The following NT5DC3 variants were observed in gnomAD, a reference collection of about 807,000 sequenced individuals.
NT5DC3 encodes the protein 5'-nucleotidase domain containing 3.
A neutral mutation model predicts 67.8 loss-of-function variants in NT5DC3; 42 were observed. The ratio of observed to expected loss-of-function variants is 0.62; its 90% CI spans 0.48 to 0.80. The LOEUF (loss-of-function observed/expected upper bound fraction) is 0.80, where lower values mean the gene tolerates loss of function less well. NT5DC3 is among the 30% of genes least tolerant of loss of function. The pLI is 0.00. For missense variants in NT5DC3, 570 were observed against 696.4 expected (o/e 0.82, Z 2.04); for synonymous variants, 237 against 255.6 (o/e 0.93, Z 0.69).
chr12:103,796,795 T>A, intron 6 of NT5DC3, 99 bp downstream of exon 6: 1 of 1,285,636 alleles, frequency 7.8e-7, no homozygotes, highest in East Asian at 2.3e-5. Flanking sequence ...AAGAGACTAT[T>A]TAAAACACCT....
intron 3 of NT5DC3, 22 bp from the exon 4 acceptor site, chr12:103,806,399 C>A: frequency 3.3e-6 from 5 of 1,529,944 alleles, no homozygotes; most frequent in Admixed American, 1.7e-5. Flanking sequence ...TAAACATATG[C>A]ACATGTAAAT....
At chr12:103,769,548 T>C (rs1885135815), downstream of NT5DC3, among the ~76,000 whole-genome samples, 1 of 152,188 alleles carries the variant, frequency 6.6e-6, no homozygotes, top group South Asian at 2.1e-4. Flanking sequence ...AAATGGAGCT[T>C]GGAGGAGTGC....
chr12:103,828,433 T>A (rs59651914), intron 1 of NT5DC3, among the ~76,000 whole-genome samples: 15,589 of 152,274 alleles, frequency 0.1, 1,143 homozygotes, highest in East Asian at 0.31. Context: ...TGTGGCATGT[T>A]TCTCCCTTAA....
chr12:103,751,616 T>C, the NT5DC3 span, among the ~76,000 whole-genome samples: 4,825 of 152,198 alleles, frequency 0.032, 140 homozygotes, highest in South Asian at 0.14. Flanking sequence ...AGCATGGGGA[T>C]AAAAATGCAC....
At position 103,782,028 on chromosome 12, in the gene NT5DC3, G is replaced by A. The variant is rs141845090; in HGVS notation, c.1330-1664C>T. On this transcript the variant is annotated intron_variant, in intron 12 of 13. Transcript: ENST00000392876. ...CTATCAGCCTATAAGCTTACAAATGGGTTTTTCTTTTTCAATGGTTGGGGG... is the reference window on the plus strand; with the variant it reads ...CTATCAGCCTATAAGCTTACAAATGAGTTTTTCTTTTTCAATGGTTGGGGG... Among the ~76,000 whole-genome samples the A allele has an allele frequency of 3.6e-3, 543 of 152,278 alleles. 7 individuals carry two copies. The highest frequency in any genetic ancestry group is 0.025 in the East Asian group (132 of 5,184).
chr12:103,754,918 C>A, the NT5DC3 span, among the ~76,000 whole-genome samples: 1 of 150,720 alleles, frequency 6.6e-6, no homozygotes, highest in African/African-American at 2.5e-5. Flanking sequence ...TGCCCTTTAG[C>A]CTGGGTGACA....
At chr12:103,814,560 T>C (rs1245779009) in intron 2 of NT5DC3, among the ~76,000 whole-genome samples, 2 of 152,232 alleles carry the variant, frequency 1.3e-5, no homozygotes, top group Admixed American at 6.5e-5. Context: ...GCAATTCAAA[T>C]TGGTGTTGAA....
intron 1 of NT5DC3, among the ~76,000 whole-genome samples, chr12:103,816,810 G>A (rs1192211826): frequency 6.6e-6 from 1 of 152,058 alleles, no homozygotes; most frequent in Non-Finnish European, 1.5e-5. Context: ...TAAGAAAGCA[G>A]GAGAATAAGA....
chr12:103,793,874 C>T (rs1019917747), intron 7 of NT5DC3, 63 bp downstream of exon 7: 11 of 1,373,314 alleles, frequency 8.0e-6, no homozygotes, highest in Admixed American at 5.1e-5. Context: ...AGTAAAATGC[C>T]GGCATGGTTG....
At chr12:103,763,612 A>C in the NT5DC3 span, 1 of 1,612,546 alleles carries the variant, frequency 6.2e-7, no homozygotes, top group Middle Eastern at 1.6e-4. Flanking sequence ...CTTCACGGTG[A>C]GTTTGCATTC....
chr12:103,806,522 G>C, intron 3 of NT5DC3, 145 bp from the exon 4 acceptor site: 1 of 659,686 alleles, frequency 1.5e-6, no homozygotes, highest in Non-Finnish European at 2.7e-6. Context: ...AGGGTTGCTT[G>C]TTAATTAATG....
chr12:103,793,370 A>T (rs774387286), intron 8 of NT5DC3, 40 bp downstream of exon 8: 1 of 1,563,832 alleles, frequency 6.4e-7, no homozygotes, highest in Non-Finnish European at 8.8e-7. Flanking sequence ...GGATACAAGG[A>T]GTGTGCCAGA....
intron 6 of NT5DC3, among the ~76,000 whole-genome samples, chr12:103,796,687 C>T (rs779474333): frequency 3.9e-5 from 6 of 152,248 alleles, no homozygotes; most frequent in Non-Finnish European, 8.8e-5. Flanking sequence ...AGCACCATCT[C>T]GTTTTAACAA....
At chr12:103,785,009 C>A (rs963645758) in intron 12 of NT5DC3, among the ~76,000 whole-genome samples, 5 of 152,132 alleles carry the variant, frequency 3.3e-5, no homozygotes, top group Admixed American at 6.5e-5. Flanking sequence ...GAAGTCCCAC[C>A]GTAGCAGGTG....
chr12:103,808,985 T>C (rs780636060), intron 2 of NT5DC3, among the ~76,000 whole-genome samples: 2 of 152,224 alleles, frequency 1.3e-5, no homozygotes, highest in Admixed American at 6.5e-5. Flanking sequence ...TATTTTACTA[T>C]TGAATAATCT....
intron 12 of NT5DC3, among the ~76,000 whole-genome samples, chr12:103,784,971 A>G (rs890892226): frequency 6.6e-6 from 1 of 152,178 alleles, no homozygotes; most frequent in Admixed American, 6.5e-5. Context: ...TTTATTTCAC[A>G]GATGGGGAAA....
Position 103,792,518 on chromosome 12 carries a change from G to T in NT5DC3, c.1019+646C>A, listed in dbSNP as rs149060646. Reference sequence around the variant, plus strand: ...TAGTGCAGTGATTCTCAACACTGTGGGAATTTGTGGAGAACAGCTCTTGGT... The same window carrying T: ...TAGTGCAGTGATTCTCAACACTGTGTGAATTTGTGGAGAACAGCTCTTGGT... On this transcript the variant is annotated intron_variant, in intron 9 of 13. Transcript: ENST00000392876. 7.9e-3 allele frequency among the ~76,000 whole-genome samples: 1,207 copies of T among 152,202 alleles called. 9 individuals carry two copies. Among genetic ancestry groups the T allele is most frequent in the Middle Eastern group, 0.017 (5 of 294 alleles).
At chr12:103,769,360 G>A (rs1885131584), downstream of NT5DC3, among the ~76,000 whole-genome samples, 1 of 152,200 alleles carries the variant, frequency 6.6e-6, no homozygotes. Flanking sequence ...ATGGGGTGCA[G>A]TGCACTAGTG....
At chr12:103,784,407 T>C (rs974894400) in intron 12 of NT5DC3, among the ~76,000 whole-genome samples, 1 of 152,212 alleles carries the variant, frequency 6.6e-6, no homozygotes, top group African/African-American at 2.4e-5. Flanking sequence ...AGCCAGAATC[T>C]GGCCTGCCAC....
Sources: gnomAD v4.1 joint callset for allele counts (sites outside exome capture counted in the v4.1 genomes callset) on GRCh38, gnomAD v4.1.1 for gene constraint, MANE v1.5 for transcripts, NCBI Gene and HGNC (gene_info 2026-07-23, HGNC 2026-07-21) for gene names.